MGRN1: variants seen among roughly 807,000 people sequenced by gnomAD.
MGRN1 encodes mahogunin ring finger 1.
In MGRN1, 29 loss-of-function variants were observed where a neutral mutation model predicts 69.2. The observed-to-expected ratio is 0.42, with a 90% CI of 0.31 to 0.57. The LOEUF is 0.57. MGRN1 is among the 20% of genes least tolerant of loss of function. The pLI is 0.15. For missense variants in MGRN1, 998 were observed against 796.2 expected, an observed-to-expected ratio of 1.25 and a Z score of -3.05; for synonymous variants, 470 against 344.2, an observed-to-expected ratio of 1.37 and a Z score of -4.04.
At chr16:4,671,621 A>C (rs965530782) in intron 9 of MGRN1, among the ~76,000 whole-genome samples, 162 bp downstream of exon 9, 6 of 152,170 alleles carry the variant, frequency 3.9e-5, no homozygotes, top group South Asian at 2.1e-4. Context: ...CTAACAGTTT[A>C]GGGAACATTT....
At chr16:4,652,585 C>G (rs2078433167) in intron 3 of MGRN1, 93 bp from the exon 4 acceptor site, 1 of 1,457,954 alleles carries the variant, frequency 6.9e-7, no homozygotes, top group South Asian at 1.4e-5. Flanking sequence ...TCCACATAGC[C>G]ACCTCCACGG....
chr16:4,638,232 C>T (rs1233419129), intron 1 of MGRN1, among the ~76,000 whole-genome samples: 3 of 151,894 alleles, frequency 2.0e-5, no homozygotes, highest in Admixed American at 1.3e-4. Context: ...TTTGGGAGGC[C>T]GAGGCGGGTG....
At chr16:4,656,610 G>C (rs1283571053) in intron 4 of MGRN1, among the ~76,000 whole-genome samples, 1 of 152,208 alleles carries the variant, frequency 6.6e-6, no homozygotes, top group Non-Finnish European at 1.5e-5. Flanking sequence ...GCTGGGTGCA[G>C]TGACTCAGGC....
intron 6 of MGRN1, 152 bp downstream of exon 6, chr16:4,664,927 G>T (rs1435291510): frequency 2.5e-5 from 31 of 1,228,546 alleles, no homozygotes; most frequent in African/African-American, 5.9e-5. Context: ...TTGGAGTCCC[G>T]GGCAGGTGAG....
At chr16:4,688,107 G>C (rs1275857568) in intron 16 of MGRN1, 1 of 985,486 alleles carries the variant, frequency 1.0e-6, no homozygotes, top group African/African-American at 1.7e-5. Context: ...CCCTTCACCG[G>C]AGAGTGGGGC....
At chr16:4,688,746 T>A in intron 16 of MGRN1, 50 bp from the exon 17 acceptor site, 1 of 1,507,486 alleles carries the variant, frequency 6.6e-7, no homozygotes, top group Non-Finnish European at 9.0e-7. Flanking sequence ...GCGGGTGGCG[T>A]GGCACCAGGC....
chr16:4,667,389 G>A (rs2078829509), intron 7 of MGRN1, among the ~76,000 whole-genome samples: 1 of 152,216 alleles, frequency 6.6e-6, no homozygotes, highest in African/African-American at 2.4e-5. Flanking sequence ...AGTGCCCTGG[G>A]CAGAGGGCAG....
Position 4,682,135 on chromosome 16 carries a change from A to G in MGRN1, c.1358+359A>G, listed in dbSNP as rs192614072. On this transcript the variant is annotated intron_variant, in intron 13 of 16. Coordinates refer to ENST00000262370, the MANE Select transcript of MGRN1 (RefSeq NM_015246.4). Reference sequence around the variant, plus strand: ...CCCAGACTTCATTGGGGGGCTGGCCACGTAGGCCCACTCTGCCGGTGACCA... The same window carrying G: ...CCCAGACTTCATTGGGGGGCTGGCCGCGTAGGCCCACTCTGCCGGTGACCA... 1.1e-3 allele frequency among the ~76,000 whole-genome samples: 160 copies of G among 152,300 alleles called. 2 individuals carry two copies. Among genetic ancestry groups the G allele is most frequent in the African/African-American group, 3.8e-3 (157 of 41,574 alleles).
rs141358213 is a variant in MGRN1 at position 4,648,115 on chromosome 16, C to A, written c.89-2250C>A. On this transcript the variant is annotated intron_variant, in intron 1 of 16. Transcript: ENST00000262370. ...CTGAGAAGGAATAGGGATTCTGGGGCCCCCAGTGGGAATTCTGAGAATTCC... is the reference window on the plus strand; with the variant it reads ...CTGAGAAGGAATAGGGATTCTGGGGACCCCAGTGGGAATTCTGAGAATTCC... Among the ~76,000 whole-genome samples, 55 of 152,228 alleles carry A rather than the reference C, an allele frequency of 3.6e-4. 1 individual carries two copies. Among genetic ancestry groups the A allele is most frequent in the African/African-American group, 1.1e-3 (44 of 41,560 alleles).
intron 2 of MGRN1, 38 bp downstream of exon 2, chr16:4,650,521 G>A: frequency 2.0e-6 from 3 of 1,501,658 alleles, no homozygotes; most frequent in Middle Eastern, 1.7e-4. Context: ...GGCTGTGGGG[G>A]TGGGAGGCCC....
chr16:4,628,044 C>T (rs191343187), intron 1 of MGRN1, among the ~76,000 whole-genome samples: 14 of 145,906 alleles, frequency 9.6e-5, no homozygotes, highest in Admixed American at 1.4e-4. Context: ...TGCGCCACTG[C>T]ACTCCAGCCT....
intron 4 of MGRN1, among the ~76,000 whole-genome samples, chr16:4,654,790 T>C (rs1315975344): frequency 6.6e-6 from 1 of 152,152 alleles, no homozygotes; most frequent in African/African-American, 2.4e-5. Flanking sequence ...TGGAGACGAC[T>C]TATGTGGGGA....
At chr16:4,633,161 G>C (rs573228027) in intron 1 of MGRN1, among the ~76,000 whole-genome samples, 1 of 152,190 alleles carries the variant, frequency 6.6e-6, no homozygotes, top group Admixed American at 6.5e-5. Context: ...GCTGAGGCGG[G>C]TGGACCATTT....
At position 4,682,862 on chromosome 16, in the gene MGRN1, TGAG is replaced by T. The variant is rs768682453; in HGVS notation, c.1402_1404del (p.Glu468del). The T allele has an allele frequency of 3.1e-6, 5 of 1,608,784 alleles. No homozygotes were observed. The highest frequency in any genetic ancestry group is 1.3e-5 in the African/African-American group (1 of 74,896). On this transcript the variant is annotated inframe_deletion, in exon 14 of 17. Coordinates refer to ENST00000262370, the MANE Select transcript of MGRN1 (RefSeq NM_015246.4). Reference sequence around the variant, plus strand: ...CGTCTTCCCCCATCCACGAAGAGGATGAGGAGAAGCTCTCCGAGGACGTGGACG... The same window carrying T: ...CGTCTTCCCCCATCCACGAAGAGGATGAGAAGCTCTCCGAGGACGTGGACG...
At chr16:4,662,685 G>C (rs1347210040) in intron 5 of MGRN1, among the ~76,000 whole-genome samples, 1 of 152,224 alleles carries the variant, frequency 6.6e-6, no homozygotes. Context: ...CCGAGGCTCG[G>C]AGGGAGGAGG....
intron 9 of MGRN1, among the ~76,000 whole-genome samples, chr16:4,671,746 C>T (rs2078941683): frequency 1.3e-5 from 2 of 152,126 alleles, no homozygotes; most frequent in African/African-American, 2.4e-5. Flanking sequence ...TGTGTGGCAC[C>T]CTGCTGCCCG....
intron 1 of MGRN1, among the ~76,000 whole-genome samples, chr16:4,646,387 C>T (rs1409630570): frequency 6.6e-5 from 10 of 151,806 alleles, no homozygotes; most frequent in African/African-American, 2.2e-4. Context: ...CGTGCCCCTG[C>T]ACTCCAACCT....
intron 1 of MGRN1, among the ~76,000 whole-genome samples, chr16:4,638,492 C>A (rs841172): frequency 0.19 from 27,488 of 145,318 alleles, 2,635 homozygotes; most frequent in Middle Eastern, 0.3. Context: ...AATATCTCAG[C>A]CCATGTTGAC....
chr16:4,677,382 T>C lies in MGRN1; in HGVS notation c.956-81T>C, dbSNP rs958217892. 1.3e-5 allele frequency: 13 copies of C among 1,006,996 alleles called. No individual in the cohort carries two copies. The African/African-American group carries it at 2.3e-4, about 18-fold the overall frequency. 62.4% of individuals were successfully genotyped at this position (1,006,996 alleles called of 1,614,324 possible). On this transcript the variant is annotated intron_variant, in intron 10 of 16. Transcript: ENST00000262370. ...CAGGACCCCTATGGTGTGGGGGGGGTGTTGATCCCTGGGGCTGGGAGGGTC... is the reference window on the plus strand; with the variant it reads ...CAGGACCCCTATGGTGTGGGGGGGGCGTTGATCCCTGGGGCTGGGAGGGTC...
Sources: gnomAD v4.1 joint callset for allele counts (sites outside exome capture counted in the v4.1 genomes callset) on GRCh38, gnomAD v4.1.1 for gene constraint, MANE v1.5 for transcripts, NCBI Gene and HGNC (gene_info 2026-07-23, HGNC 2026-07-21) for gene names.